TASOR: variants seen among roughly 807,000 people sequenced by gnomAD.
The protein encoded by TASOR is protein TASOR.
A neutral mutation model predicts 178.6 loss-of-function variants in TASOR; 53 were observed. That is an observed-to-expected ratio of 0.30 (90% CI 0.24 to 0.37). The LOEUF (loss-of-function observed/expected upper bound fraction) is 0.37. Among genes scored for constraint, TASOR ranks in the 10% least tolerant of loss-of-function variants. The probability of loss-of-function intolerance (pLI) is 1.00; values close to 1 mark genes in which losing one functional copy is unlikely to be tolerated. For missense variants in TASOR, 1,815 were observed against 1,971.4 expected (o/e 0.92, Z 1.50); for synonymous variants, 713 against 696.2 (o/e 1.02, Z -0.38).
intron 17 of TASOR, among the ~76,000 whole-genome samples, chr3:56,635,432 A>G (rs1318858947): frequency 6.6e-6 from 1 of 152,210 alleles, no homozygotes; most frequent in Non-Finnish European, 1.5e-5. Context: ...GTACACATAA[A>G]GTGTCTGGAA....
At chr3:56,637,907 T>C (rs2077048980) in intron 17 of TASOR, among the ~76,000 whole-genome samples, 1 of 152,104 alleles carries the variant, frequency 6.6e-6, no homozygotes, top group East Asian at 1.9e-4. Context: ...GCCAACTAGC[T>C]AATCAATAAT....
chr3:56,670,187 C>T (rs530442256), intron 3 of TASOR, 42 bp from the exon 4 acceptor site: 6 of 1,165,340 alleles, frequency 5.1e-6, no homozygotes, highest in East Asian at 5.2e-5. Flanking sequence ...GTCATAACAA[C>T]ATTTAAAACA....
chr3:56,673,739 A>C lies in TASOR; in HGVS notation c.332-14T>G. 6.5e-6 allele frequency: 10 copies of C among 1,537,086 alleles called. No homozygotes were observed. The highest frequency in any genetic ancestry group is 8.8e-6 in the Non-Finnish European group (10 of 1,142,126). ...GCTGGAAAAGTGCTAAAATAAAAAA[A>C]CAAACATTTAAAATGTTTAACATTA... is the stretch of plus-strand genomic sequence containing the variant. On this transcript the variant is annotated splice_polypyrimidine_tract_variant and intron_variant, in intron 1 of 23. Coordinates refer to ENST00000683822, the MANE Select transcript of TASOR (RefSeq NM_001365635.2).
chr3:56,636,141 T>TA (rs879784611), intron 17 of TASOR, among the ~76,000 whole-genome samples: 115 of 143,958 alleles, frequency 8.0e-4, no homozygotes, highest in South Asian at 2.0e-3. Flanking sequence ...TCGTCTCTAC[T>TA]AAAAAAAAAA....
At chr3:56,635,001 C>T (rs1416342946) in intron 17 of TASOR, among the ~76,000 whole-genome samples, 2 of 152,132 alleles carry the variant, frequency 1.3e-5, no homozygotes, top group Non-Finnish European at 2.9e-5. Flanking sequence ...TTCTTTAAGC[C>T]TTGGCCAACA....
chr3:56,623,157 A>G lies in TASOR; in HGVS notation c.4893T>C (p.Ser1631=). The part of the protein sequence containing the change: ...GTPYALSSSQ[S]QENENYFLSA... ...ATAAGAAGTAATTCTCATTTTCTTG[A>G]GACTGACTTGATGAAAGGGCATATG... Residue 1631 remains serine, a synonymous_variant, in exon 24 of 24, where the codon TCT becomes TCC. Transcript: ENST00000683822. 2 of 1,613,826 alleles carry G rather than the reference A, an allele frequency of 1.2e-6. No homozygotes were observed. Among genetic ancestry groups the G allele is most frequent in the Non-Finnish European group, 1.7e-6 (2 of 1,179,842 alleles).
intron 14 of TASOR, among the ~76,000 whole-genome samples, chr3:56,645,674 A>C (rs575673913): frequency 6.6e-6 from 1 of 152,320 alleles, no homozygotes; most frequent in Non-Finnish European, 1.5e-5. Flanking sequence ...CTGTCAACTA[A>C]AACAAAACAA....
At chr3:56,678,050 G>A (rs2031466698) in intron 1 of TASOR, among the ~76,000 whole-genome samples, 1 of 151,976 alleles carries the variant, frequency 6.6e-6, no homozygotes, top group Non-Finnish European at 1.5e-5. Context: ...GGCACTTAGA[G>A]ATTTATAATT....
At chr3:56,634,641 T>C (rs1466731979) in intron 17 of TASOR, among the ~76,000 whole-genome samples, 1 of 152,202 alleles carries the variant, frequency 6.6e-6, no homozygotes, top group East Asian at 1.9e-4. Context: ...TCATAAATAT[T>C]TTCCTTTTGT....
chr3:56,630,402 A>G (rs2076884053), intron 18 of TASOR, among the ~76,000 whole-genome samples: 1 of 152,276 alleles, frequency 6.6e-6, no homozygotes, highest in Admixed American at 6.5e-5. Context: ...ATACTGATTA[A>G]AAGAATTAAA....
chr3:56,626,372 G>A (rs2076799148), intron 21 of TASOR, among the ~76,000 whole-genome samples: 1 of 152,144 alleles, frequency 6.6e-6, no homozygotes, highest in Admixed American at 6.5e-5. Context: ...CCAAATATAT[G>A]TAATTTTATT....
intron 1 of TASOR, among the ~76,000 whole-genome samples, chr3:56,676,681 T>TA (rs1163238559): frequency 6.6e-6 from 1 of 152,200 alleles, no homozygotes; most frequent in Non-Finnish European, 1.5e-5. Flanking sequence ...TTAGTCTACA[T>TA]AAAAGAAATT....
rs565250237 is a variant in TASOR at position 56,669,803 on chromosome 3, G to A, written c.644-12C>T. 35 of 1,504,958 alleles carry A rather than the reference G, an allele frequency of 2.3e-5. No homozygotes were observed. The highest frequency in any genetic ancestry group is 1.4e-4 in the Admixed American group (6 of 43,390). The allele number at this position is 1,504,958 out of a possible 1,614,324, so 93.2% of individuals were successfully genotyped here. A position where few individuals can be genotyped will look rare whatever the true frequency, so the allele number is the denominator to read the frequency against. On this transcript the variant is annotated splice_polypyrimidine_tract_variant and intron_variant, in intron 4 of 23. Coordinates refer to ENST00000683822, the MANE Select transcript of TASOR (RefSeq NM_001365635.2). ...AGAAAGATAGACACCTAGAAAAGAC[G>A]GAAAAATTAAGGAAACTGATTATAT...
In TASOR at chr3:56,638,802, T is replaced by C. The variant is rs138597812; in HGVS notation, c.2765-37A>G. 1.9e-4 allele frequency: 307 copies of C among 1,597,308 alleles called. 1 individual carries two copies. The African/African-American group carries it at 3.2e-3, about 17-fold the overall frequency. ...CATCCATTAGACTCTCTTCAGACAT[T>C]AGTGATACCTACACTAAGCACCTTT... is the stretch of plus-strand genomic sequence containing the variant. On this transcript the variant is annotated intron_variant, in intron 16 of 23. Coordinates refer to ENST00000683822, the MANE Select transcript of TASOR (RefSeq NM_001365635.2).
At chr3:56,674,841 T>C (rs77972384) in intron 1 of TASOR, among the ~76,000 whole-genome samples, 28,100 of 152,172 alleles carry the variant, frequency 0.18, 3,412 homozygotes, top group South Asian at 0.4. Context: ...TGTTTTGAGA[T>C]GGAGTCTCGC....
At chr3:56,648,222 C>T (rs1465673611) in intron 13 of TASOR, among the ~76,000 whole-genome samples, 1 of 152,014 alleles carries the variant, frequency 6.6e-6, no homozygotes, top group Admixed American at 6.5e-5. Context: ...GAGTGAGACT[C>T]TATCTCTAAA....
At chr3:56,675,766 T>C (rs2031235297) in intron 1 of TASOR, among the ~76,000 whole-genome samples, 1 of 152,230 alleles carries the variant, frequency 6.6e-6, no homozygotes, top group Non-Finnish European at 1.5e-5. Flanking sequence ...GAAAACATAA[T>C]GTTCCACTTG....
intron 17 of TASOR, among the ~76,000 whole-genome samples, chr3:56,635,323 G>GT (rs1463377656): frequency 2.0e-5 from 3 of 152,172 alleles, no homozygotes; most frequent in Non-Finnish European, 4.4e-5. Context: ...AATTAGAACT[G>GT]TATGAAATTG....
Position 56,621,575 on chromosome 3 carries a change from C to A in TASOR, c.*1462G>T, listed in dbSNP as rs1170835162. The A allele has an allele frequency of 5.0e-6, 8 of 1,601,932 alleles. No homozygotes were observed. Among genetic ancestry groups the A allele is most frequent in the African/African-American group, 1.3e-5 (1 of 74,462 alleles). Reference sequence around the variant, plus strand: ...AAGGAGTTGGAAAGTAGTCTCCTGCCTTTAGCTGAAAATCAAGAAGAGAGT... The same window carrying A: ...AAGGAGTTGGAAAGTAGTCTCCTGCATTTAGCTGAAAATCAAGAAGAGAGT... On this transcript the variant is annotated 3_prime_UTR_variant, in exon 24 of 24. Coordinates refer to ENST00000683822, the MANE Select transcript of TASOR (RefSeq NM_001365635.2).
Sources: allele counts gnomAD v4.1 joint callset (sites outside exome capture counted in the v4.1 genomes callset), GRCh38; gene constraint gnomAD v4.1.1; transcripts MANE v1.5; gene names NCBI Gene and HGNC (gene_info 2026-07-23, HGNC 2026-07-21).